Variants in RBM18 observed in about 807,000 individuals in gnomAD.
RBM18 encodes the protein probable RNA-binding protein 18.
In RBM18, 18 loss-of-function variants were observed where a neutral mutation model predicts 26.4. That is an observed-to-expected ratio of 0.68 (90% confidence interval 0.47 to 1.01). The LOEUF is 1.01. RBM18 is among the 50% of genes least tolerant of loss of function. RBM18 has a pLI of 0.00. For synonymous variants in RBM18, 74 were observed against 81.1 expected (o/e 0.91, Z 0.47); for missense variants, 180 against 219.2 (o/e 0.82, Z 1.13).
At chr9:122,261,573 T>G in intron 1 of RBM18, 65 bp from the exon 2 acceptor site, 1 of 1,054,176 alleles carries the variant, frequency 9.5e-7, no homozygotes, top group Non-Finnish European at 1.5e-6. Context: ...GACTTCAAAT[T>G]CAACTCAACA....
intron 5 of RBM18, chr9:122,243,881 A>C: frequency 1.0e-6 from 1 of 984,890 alleles, no homozygotes; most frequent in East Asian, 1.1e-4. Context: ...GGATAAAAAA[A>C]TAGATGGAAA....
intron 2 of RBM18, among the ~76,000 whole-genome samples, chr9:122,253,834 T>A (rs1158541078): frequency 6.6e-6 from 1 of 151,726 alleles, no homozygotes; most frequent in Non-Finnish European, 1.5e-5. Context: ...GAGACCAGCC[T>A]GACTAACATG....
intron 4 of RBM18, 145 bp downstream of exon 4, chr9:122,247,373 C>T (rs1831520637): frequency 1.5e-6 from 1 of 673,552 alleles, no homozygotes; most frequent in Non-Finnish European, 2.6e-6. Context: ...AATCGGGCAA[C>T]ACACATGGTA....
rs1374223242 is a variant in RBM18, at chr9:122,238,200, C to A, written c.*3684G>T. 6.6e-6 allele frequency: 1 copy of A among 152,150 alleles called. No homozygotes were observed. The highest frequency in any genetic ancestry group is 1.5e-5 in the Non-Finnish European group (1 of 68,052). 9.4% of individuals were successfully genotyped at this position (152,150 alleles called of 1,614,324 possible). On this transcript the variant is annotated 3_prime_UTR_variant, in exon 6 of 6. Transcript: ENST00000417201. ...CCTTTGGCTCTCAAATACCAGAATT[C>A]TTGTAGTTTATCCAACAAATATTTA...
intron 4 of RBM18, among the ~76,000 whole-genome samples, 160 bp from the exon 5 acceptor site, chr9:122,245,501 G>C (rs559009030): frequency 6.6e-6 from 1 of 152,136 alleles, no homozygotes; most frequent in East Asian, 1.9e-4. Flanking sequence ...ACTTCACATG[G>C]TTTTGGCCTA....
At chr9:122,249,672 A>G (rs953346584) in intron 3 of RBM18, among the ~76,000 whole-genome samples, 2 of 151,612 alleles carry the variant, frequency 1.3e-5, no homozygotes, top group African/African-American at 4.9e-5. Flanking sequence ...TCGTGCCACT[A>G]TACTCCGGCC....
intron 3 of RBM18, among the ~76,000 whole-genome samples, chr9:122,249,690 CAAAG>C (rs1831566626): frequency 6.7e-6 from 1 of 149,918 alleles, no homozygotes; most frequent in Non-Finnish European, 1.5e-5. Context: ...GCCTGGATGA[CAAAG>C]AGAGACCCTG....
chr9:122,255,696 TA>T (rs1831682387), intron 2 of RBM18, among the ~76,000 whole-genome samples: 1 of 152,216 alleles, frequency 6.6e-6, no homozygotes, highest in African/African-American at 2.4e-5. Context: ...ATCTAGGTGA[TA>T]ATCGATGGCC....
intron 1 of RBM18, among the ~76,000 whole-genome samples, chr9:122,262,251 C>T (rs1206634312): frequency 6.6e-6 from 1 of 152,136 alleles, no homozygotes; most frequent in Admixed American, 6.6e-5. Flanking sequence ...CTTAGTTATT[C>T]AAGTTCCACC....
At chr9:122,261,542 A>G (rs1321276765) in intron 1 of RBM18, 34 bp from the exon 2 acceptor site, 14 of 1,312,704 alleles carry the variant, frequency 1.1e-5, no homozygotes, top group Non-Finnish European at 1.5e-5. Flanking sequence ...GCAGGAGGGG[A>G]GTAACAATGT....
At chr9:122,242,110 T>C in intron 5 of RBM18, 67 bp from the exon 6 acceptor site, 3 of 1,483,222 alleles carry the variant, frequency 2.0e-6, no homozygotes, top group Non-Finnish European at 2.8e-6. Flanking sequence ...GTACAGTTCC[T>C]CTCCTTGAGC....
intron 2 of RBM18, among the ~76,000 whole-genome samples, chr9:122,252,277 A>G (rs1176445834): frequency 6.6e-6 from 1 of 152,224 alleles, no homozygotes; most frequent in African/African-American, 2.4e-5. Context: ...TTTTGGAGAA[A>G]AGCTCAAAAA....
chr9:122,253,720 T>TAA (rs574918085), intron 2 of RBM18, among the ~76,000 whole-genome samples: 7 of 131,134 alleles, frequency 5.3e-5, no homozygotes, highest in South Asian at 4.9e-4. Context: ...AACCTATTCT[T>TAA]AAAAAAAAAA....
chr9:122,260,218 T>C (rs73555210), intron 2 of RBM18, among the ~76,000 whole-genome samples: 2 of 152,006 alleles, frequency 1.3e-5, no homozygotes, highest in Non-Finnish European at 2.9e-5. Context: ...TGGTGGCGCA[T>C]GCCTGTAGTC....
At chr9:122,256,021 A>G (rs1378549168) in intron 2 of RBM18, among the ~76,000 whole-genome samples, 1 of 151,474 alleles carries the variant, frequency 6.6e-6, no homozygotes, top group Non-Finnish European at 1.5e-5. Flanking sequence ...ACAGAGTGAG[A>G]CTCTGTCTCA....
intron 5 of RBM18, among the ~76,000 whole-genome samples, chr9:122,244,630 T>C (rs766759317): frequency 2.0e-5 from 3 of 152,208 alleles, no homozygotes; most frequent in Admixed American, 6.6e-5. Context: ...TCCTGGCTAT[T>C]GTTATTGTTA....
chr9:122,262,245 GTT>G (rs1658828235), intron 1 of RBM18, among the ~76,000 whole-genome samples: 1 of 152,146 alleles, frequency 6.6e-6, no homozygotes, highest in Admixed American at 6.5e-5. Context: ...TTCCTCCTTA[GTT>G]ATTCAAGTTC....
intron 2 of RBM18, among the ~76,000 whole-genome samples, chr9:122,261,116 T>C (rs1258307761): frequency 6.6e-6 from 1 of 151,990 alleles, no homozygotes; most frequent in Non-Finnish European, 1.5e-5. Flanking sequence ...TTCAAATAGT[T>C]GGAAATGGGA....
chr9:122,264,180 C>A (rs866213870), intron 1 of RBM18, among the ~76,000 whole-genome samples: 12 of 152,178 alleles, frequency 7.9e-5, no homozygotes, highest in African/African-American at 2.9e-4. Context: ...CTTCTCCACT[C>A]GAAGACTTAG....
Sources: gnomAD v4.1 joint callset for allele counts (sites outside exome capture counted in the v4.1 genomes callset) on GRCh38, gnomAD v4.1.1 for gene constraint, MANE v1.5 for transcripts, NCBI Gene and HGNC (gene_info 2026-07-23, HGNC 2026-07-21) for gene names.